Variants in ANKFN1 observed in about 807,000 individuals in gnomAD.
ANKFN1 encodes ankyrin repeat and fibronectin type III domain containing 1, also known as ankyrin repeat and fibronectin type-III domain-containing protein 1.
A neutral mutation model predicts 108.7 loss-of-function variants in ANKFN1; 74 were observed. That is an observed-to-expected ratio of 0.68 (90% CI 0.56 to 0.83). The LOEUF is 0.83. Among genes scored for constraint, ANKFN1 ranks in the 40% least tolerant of loss-of-function variants. The pLI, the probability that ANKFN1 is intolerant of heterozygous loss-of-function variation, is 0.00. For missense variants in ANKFN1, 1,505 were observed against 1,382.3 expected, an observed-to-expected ratio of 1.09 and a Z score of -1.41; for synonymous variants, 547 against 516.2, an observed-to-expected ratio of 1.06 and a Z score of -0.81.
intron 8 of ANKFN1, among the ~76,000 whole-genome samples, chr17:56,400,231 A>C (rs2047719342): frequency 6.6e-6 from 1 of 152,108 alleles, no homozygotes; most frequent in Non-Finnish European, 1.5e-5. Context: ...TGATCACTGC[A>C]TCCACACCAA....
At chr17:56,055,073 T>C (rs1904844530) in intron 4 of ANKFN1, among the ~76,000 whole-genome samples, 1 of 151,882 alleles carries the variant, frequency 6.6e-6, no homozygotes, top group South Asian at 2.1e-4. Flanking sequence ...TTTTTTCCTC[T>C]GATTTTCTTT....
chr17:56,231,888 G>A (rs985944206), intron 3 of ANKFN1, among the ~76,000 whole-genome samples: 1 of 152,168 alleles, frequency 6.6e-6, no homozygotes, highest in African/African-American at 2.4e-5. Context: ...ATATGATGCA[G>A]TTCAACAGCC....
At chr17:56,503,992 C>T (rs2051469831) in intron 20 of ANKFN1, among the ~76,000 whole-genome samples, 1 of 152,208 alleles carries the variant, frequency 6.6e-6, no homozygotes, top group South Asian at 2.1e-4. Flanking sequence ...ATGGAAGCTG[C>T]ACTTTGCATT....
chr17:56,320,326 A>G (rs1298935169), intron 3 of ANKFN1, among the ~76,000 whole-genome samples: 1 of 152,208 alleles, frequency 6.6e-6, no homozygotes, highest in Admixed American at 6.5e-5. Context: ...TTGACATCCA[A>G]AATTAAGACA....
Position 56,457,921 on chromosome 17 carries a change from C to T in ANKFN1, c.1499C>T (p.Ser500Phe). The T allele has an allele frequency of 1.2e-6, 2 of 1,614,058 alleles. No homozygotes were observed. The highest frequency in any genetic ancestry group is 2.2e-5 in the South Asian group (2 of 91,060). ...AGGCAAAGCATACCAATATCCTCAT[C>T]CTCATCCACAGTGCTGCAAACTCGG... ...WLRQSIPISS[S>F]SSTVLQTRQK... Residue 500 changes from serine to phenylalanine, a missense_variant, in exon 14 of 21, where the codon TCC becomes TTC. By Grantham distance (155) the Ser-to-Phe change is radical (BLOSUM62 -2). Transcript: ENST00000682825.
chr17:56,495,630 G>T (rs191106092), intron 19 of ANKFN1, among the ~76,000 whole-genome samples: 45 of 152,260 alleles, frequency 3.0e-4, no homozygotes, highest in Non-Finnish European at 3.4e-4. Flanking sequence ...AGGCATACAG[G>T]CTTTATAGAC....
intron 3 of ANKFN1, among the ~76,000 whole-genome samples, chr17:56,267,527 G>A (rs1360392752): frequency 6.6e-6 from 1 of 152,146 alleles, no homozygotes; most frequent in African/African-American, 2.4e-5. Context: ...TTAGTTTTAG[G>A]TTTTATATTT....
chr17:56,142,718 A>G (rs905198467), intron 4 of ANKFN1, among the ~76,000 whole-genome samples: 1 of 152,156 alleles, frequency 6.6e-6, no homozygotes, highest in Non-Finnish European at 1.5e-5. Flanking sequence ...AAGCAGCAGC[A>G]CCTGTGTTTT....
intron 16 of ANKFN1, among the ~76,000 whole-genome samples, chr17:56,480,133 A>G (rs7222176): frequency 6.6e-6 from 1 of 152,108 alleles, no homozygotes; most frequent in Non-Finnish European, 1.5e-5. Flanking sequence ...TTGGTTCCTT[A>G]TATTGGAATT....
intron 19 of ANKFN1, among the ~76,000 whole-genome samples, chr17:56,495,708 T>A (rs2051179830): frequency 2.6e-5 from 4 of 152,138 alleles, no homozygotes; most frequent in African/African-American, 9.7e-5. Context: ...TGCTAAAGCC[T>A]AAAGGGCAAT....
intron 4 of ANKFN1, among the ~76,000 whole-genome samples, chr17:56,126,539 C>T (rs528674201): frequency 5.3e-5 from 8 of 152,260 alleles, no homozygotes; most frequent in South Asian, 4.2e-4. Context: ...TGGCTGCTGG[C>T]GTCGGCCACA....
intron 3 of ANKFN1, among the ~76,000 whole-genome samples, chr17:56,293,594 T>C (rs2044425980): frequency 6.6e-6 from 1 of 152,046 alleles, no homozygotes; most frequent in African/African-American, 2.4e-5. Context: ...TGTGGGACAG[T>C]GGGATAAGCT....
intron 4 of ANKFN1, among the ~76,000 whole-genome samples, chr17:56,057,457 ACAG>A (rs1006413874): frequency 1.3e-5 from 2 of 152,146 alleles, no homozygotes; most frequent in African/African-American, 4.8e-5. Context: ...CACAGTATAT[ACAG>A]CAGCGATAGA....
At chr17:56,296,022 A>T (rs2044499558) in intron 3 of ANKFN1, among the ~76,000 whole-genome samples, 1 of 152,216 alleles carries the variant, frequency 6.6e-6, no homozygotes, top group Non-Finnish European at 1.5e-5. Flanking sequence ...CATGTATTAA[A>T]TATATAAAAG....
intron 8 of ANKFN1, among the ~76,000 whole-genome samples, chr17:56,406,246 A>T (rs1258520928): frequency 6.6e-6 from 1 of 152,208 alleles, no homozygotes; most frequent in Non-Finnish European, 1.5e-5. Flanking sequence ...TGCCTGAAAG[A>T]AGGGATAGCG....
intron 3 of ANKFN1, among the ~76,000 whole-genome samples, chr17:56,301,088 A>T (rs530246412): frequency 6.6e-6 from 1 of 152,208 alleles, no homozygotes; most frequent in African/African-American, 2.4e-5. Context: ...TGAAGATGAC[A>T]TTCCTCCAAA....
intron 4 of ANKFN1, among the ~76,000 whole-genome samples, chr17:56,127,318 T>C (rs947600721): frequency 2.0e-5 from 3 of 151,630 alleles, no homozygotes; most frequent in Admixed American, 1.3e-4. Context: ...TTTTTTAAAA[T>C]TTTATTTTAC....
At position 56,467,840 on chromosome 17, in the gene ANKFN1, AAG is replaced by A. The variant is rs1234174208; in HGVS notation, c.1773+1271_1773+1272del. On this transcript the variant is annotated intron_variant, in intron 15 of 20. Coordinates refer to ENST00000682825, the MANE Select transcript of ANKFN1 (RefSeq NM_001370326.1). ...AAAGAAAGAAAGAAAGAAAGAAAGA[AAG>A]AAAGAAAGAAAAAGGGAAAGAAAGA... is the stretch of plus-strand genomic sequence containing the variant. Among the ~76,000 whole-genome samples, 2 of 30,378 alleles carry A rather than the reference AAG, an allele frequency of 6.6e-5. 1 individual carries two copies. The highest frequency in any genetic ancestry group is 2.7e-4 in the African/African-American group (2 of 7,394). The allele number at this position is 30,378 out of a possible 152,430, so 19.9% of individuals were successfully genotyped here.
chr17:56,333,376 T>C lies in ANKFN1; in HGVS notation c.188+7021T>C, dbSNP rs114819549. On this transcript the variant is annotated intron_variant, in intron 4 of 20. Coordinates refer to ENST00000682825, the MANE Select transcript of ANKFN1 (RefSeq NM_001370326.1). ...TTTTTTACCATGAATAAATGTTGTA[T>C]ATTATTAAATCCAATTGCTTTTTAT... 4.0e-3 allele frequency among the ~76,000 whole-genome samples: 603 copies of C among 152,270 alleles called. 6 individuals are homozygous for C. Among genetic ancestry groups the C allele is most frequent in the African/African-American group, 0.014 (587 of 41,568 alleles).
Sources: gnomAD v4.1 joint callset for allele counts (sites outside exome capture counted in the v4.1 genomes callset) on GRCh38, gnomAD v4.1.1 for gene constraint, MANE v1.5 for transcripts, NCBI Gene and HGNC (gene_info 2026-07-23, HGNC 2026-07-21) for gene names.